The following WDR20 variants were observed in gnomAD, a reference collection of about 807,000 sequenced individuals.
The protein encoded by WDR20 is WD repeat-containing protein 20.
A neutral mutation model predicts 38.7 loss-of-function variants in WDR20; 3 were observed. The ratio of observed to expected loss-of-function variants is 0.08; its 90% confidence interval spans 0.04 to 0.20. The LOEUF (loss-of-function observed/expected upper bound fraction) is 0.20. Ranked by LOEUF, WDR20 falls within the 10% of genes least tolerant of loss-of-function variation. The probability of loss-of-function intolerance (pLI) is 1.00; values close to 1 mark genes in which losing one functional copy is unlikely to be tolerated. For missense variants in WDR20, 559 were observed against 727.7 expected (o/e 0.77, Z 2.67); for synonymous variants, 298 against 285.6 (o/e 1.04, Z -0.44).
intron 1 of WDR20, among the ~76,000 whole-genome samples, chr14:102,144,979 T>C (rs1407192830): frequency 6.6e-6 from 1 of 152,180 alleles, no homozygotes; most frequent in East Asian, 1.9e-4. Flanking sequence ...GATTACAGGC[T>C]CTATGTTCTT....
At chr14:102,180,769 T>C (rs1398130311) in intron 1 of WDR20, among the ~76,000 whole-genome samples, 5 of 152,230 alleles carry the variant, frequency 3.3e-5, no homozygotes, top group Admixed American at 6.5e-5. Flanking sequence ...TGCTGCTATT[T>C]GGAGCTTTAC....
chr14:102,198,782 A>G (rs567088889), intron 2 of WDR20, among the ~76,000 whole-genome samples: 25 of 152,306 alleles, frequency 1.6e-4, no homozygotes, highest in African/African-American at 6.0e-4. Flanking sequence ...TGAATTGGAA[A>G]GGTGTATTAA....
At chr14:102,205,198 C>T (rs2061299058) in intron 2 of WDR20, among the ~76,000 whole-genome samples, 1 of 151,660 alleles carries the variant, frequency 6.6e-6, no homozygotes, top group Non-Finnish European at 1.5e-5. Context: ...GAGGTCAAGG[C>T]TGCAGTGAGC....
rs958048191 is a variant in WDR20 at position 102,222,791 on chromosome 14, G to A, written c.1693-39G>A. ...CGCGCATGGTGGCTGTTGCCCGTCC[G>A]GTGTTTTGCTGGATTAATGTAGACT... On this transcript the variant is annotated intron_variant, in intron 3 of 3. Transcript: ENST00000335263. The surrounding 1 kb of genome is among the most constrained non-coding windows in gnomAD (Gnocchi z 4.4). 1.3e-5 allele frequency: 21 copies of A among 1,613,350 alleles called. No homozygotes were observed. Among genetic ancestry groups the A allele is most frequent in the Non-Finnish European group, 1.7e-5 (20 of 1,179,420 alleles).
At chr14:102,161,475 G>A (rs1353220939) in intron 1 of WDR20, among the ~76,000 whole-genome samples, 1 of 151,720 alleles carries the variant, frequency 6.6e-6, no homozygotes, top group Non-Finnish European at 1.5e-5. Context: ...CACTGTGCTC[G>A]TTTAATTTTT....
At chr14:102,180,589 A>G (rs2063182045) in intron 1 of WDR20, among the ~76,000 whole-genome samples, 1 of 152,220 alleles carries the variant, frequency 6.6e-6, no homozygotes, top group African/African-American at 2.4e-5. Flanking sequence ...GCAAGTACTC[A>G]GGCTTGCTGT....
At chr14:102,203,755 T>C (rs900884564) in intron 2 of WDR20, among the ~76,000 whole-genome samples, 1 of 152,012 alleles carries the variant, frequency 6.6e-6, no homozygotes, top group East Asian at 1.9e-4. Context: ...CAAGGCCCCA[T>C]TGACATTGGA....
exon 4 of WDR20, chr14:102,223,251 G>A (rs1337145966): frequency 1.3e-5 from 2 of 154,432 alleles, no homozygotes; most frequent in Admixed American, 1.3e-4. Flanking sequence ...CTGTTATAGT[G>A]CTTCACTGTT....
chr14:102,170,731 C>T (rs951104176), intron 1 of WDR20, among the ~76,000 whole-genome samples: 2 of 151,928 alleles, frequency 1.3e-5, no homozygotes, highest in East Asian at 1.9e-4. Context: ...GGCTGGTCTG[C>T]GATCGTTCCA....
chr14:102,200,102 T>C (rs11160671), intron 2 of WDR20, among the ~76,000 whole-genome samples: 53,100 of 152,144 alleles, frequency 0.35, 13,070 homozygotes, highest in African/African-American at 0.71. Flanking sequence ...GGGACTGTCC[T>C]CAGTCACACT....
downstream of WDR20, among the ~76,000 whole-genome samples, chr14:102,215,396 C>T (rs1003754577): frequency 6.6e-6 from 1 of 152,180 alleles, no homozygotes; most frequent in Non-Finnish European, 1.5e-5. Flanking sequence ...ATCCGACATT[C>T]TGTCCAGCCA....
In WDR20 at chr14:102,209,257, G is replaced by C; in HGVS notation, c.1087G>C (p.Val363Leu). 6.2e-7 allele frequency: 1 copy of C among 1,614,124 alleles called. No homozygotes were observed. The highest frequency in any genetic ancestry group is 8.5e-7 in the Non-Finnish European group (1 of 1,180,036). Residue 363 changes from valine to leucine, a missense_variant, in exon 3 of 3, where the codon GTA becomes CTA. Transcript: ENST00000342702. The surrounding 1 kb of genome is among the most constrained non-coding windows in gnomAD (Gnocchi z 6.0). ...SKRNSTDSRP[V>L]SVTYRFGSVG... ...ACGGAACTCTACAGACAGCCGCCCC[G>C]TAAGTGTCACGTATCGGTTTGGTTC... is the stretch of plus-strand genomic sequence containing the variant.
intron 2 of WDR20, chr14:102,198,341 C>A: frequency 3.4e-6 from 1 of 294,190 alleles, no homozygotes; most frequent in Non-Finnish European, 6.9e-6. Context: ...TAGTCTGGAA[C>A]TCCTGGCTTC....
chr14:102,224,064 T>C (rs188498358), downstream of WDR20, among the ~76,000 whole-genome samples: 3,884 of 140,274 alleles, frequency 0.028, 143 homozygotes, highest in African/African-American at 0.084. Flanking sequence ...TTTTTTGAGA[T>C]GGAGTCTCCC....
At chr14:102,176,124 G>A (rs1043949035) in intron 1 of WDR20, among the ~76,000 whole-genome samples, 1 of 152,198 alleles carries the variant, frequency 6.6e-6, no homozygotes, top group African/African-American at 2.4e-5. Flanking sequence ...GCTGGAAACG[G>A]TGGCTCACGC....
chr14:102,214,062 C>CT, downstream of WDR20: 2 of 985,628 alleles, frequency 2.0e-6, no homozygotes, highest in Non-Finnish European at 2.4e-6. Flanking sequence ...GGACTGGCCT[C>CT]TGACTGCGGG....
At position 102,172,855 on chromosome 14, in the gene WDR20, G is replaced by T. The variant is rs1305319214; in HGVS notation, c.250-22083G>T. Among the ~76,000 whole-genome samples, 56 of 149,400 alleles carry T rather than the reference G, an allele frequency of 3.7e-4. 1 individual carries two copies. The highest frequency in any genetic ancestry group is 7.3e-4 in the African/African-American group (30 of 41,088). ...CGGAGGGTCTCCTCACTTCTCAGAC[G>T]GGGCGGTTGCCAGGCGGAGGGTCTC... On this transcript the variant is annotated intron_variant, in intron 1 of 2. Transcript: ENST00000342702.
At chr14:102,180,747 G>A (rs572387788) in intron 1 of WDR20, among the ~76,000 whole-genome samples, 1 of 152,336 alleles carries the variant, frequency 6.6e-6, no homozygotes, top group South Asian at 2.1e-4. Context: ...CACAGCTGCT[G>A]TCTATGAGAC....
In WDR20 at chr14:102,208,634, T is replaced by C. The variant is rs1192677443; in HGVS notation, c.464T>C (p.Val155Ala). Residue 155 changes from valine to alanine, a missense_variant, in exon 3 of 3, where the codon GTC (valine) becomes GCC (alanine). By Grantham distance (64) the Val-to-Ala change is moderately conservative. Coordinates refer to ENST00000342702, the MANE Select transcript of WDR20 (RefSeq NM_144574.4). This position sits in a 1 kb window ranked among gnomAD's most constrained non-coding sequence, Gnocchi z 5.6. The stretch of plus-strand genomic sequence containing the variant: ...ATAGACAAGTCACGAGTTACCTGTG[T>C]CAAATGGGTTCCCGGTTCGGAAAGC... ...RLIDKSRVTC[V>A]KWVPGSESLF... is the part of the protein sequence containing the mutation. 6.2e-7 allele frequency: 1 copy of C among 1,611,572 alleles called. No individual in the cohort carries two copies. The highest frequency in any genetic ancestry group is 1.1e-5 in the South Asian group (1 of 91,050).
Sources: allele counts gnomAD v4.1 joint callset (sites outside exome capture counted in the v4.1 genomes callset), GRCh38; gene constraint gnomAD v4.1.1; non-coding constraint Gnocchi (gnomAD v3.1); transcripts MANE v1.5; gene names NCBI Gene and HGNC (gene_info 2026-07-23, HGNC 2026-07-21).